The following RHPN2 variants were observed in gnomAD, a reference collection of about 807,000 sequenced individuals.
RHPN2 encodes rhophilin-2.
Under a neutral mutation model 79.0 loss-of-function variants are expected in RHPN2, and 40 were observed. The observed-to-expected ratio is 0.51, with a 90% CI of 0.39 to 0.66. The LOEUF (loss-of-function observed/expected upper bound fraction) is 0.66, where lower values mean the gene tolerates loss of function less well. Among genes scored for constraint, RHPN2 ranks in the 30% least tolerant of loss-of-function variants. RHPN2 has a pLI of 0.00. For missense variants in RHPN2, 686 were observed against 883.5 expected (o/e 0.78, Z 2.83); for synonymous variants, 285 against 363.5 (o/e 0.78, Z 2.46).
chr19:32,988,525 G>A (rs1361449867), intron 14 of RHPN2, among the ~76,000 whole-genome samples: 5 of 151,738 alleles, frequency 3.3e-5, no homozygotes, highest in African/African-American at 4.8e-5. Flanking sequence ...ACACCACGCC[G>A]TTCCCCTTCT....
At chr19:33,046,553 C>G (rs966219787) in intron 1 of RHPN2, among the ~76,000 whole-genome samples, 1 of 152,162 alleles carries the variant, frequency 6.6e-6, no homozygotes, top group African/African-American at 2.4e-5. Flanking sequence ...AGGCGTGAGC[C>G]ACTGAGCCCG....
intron 10 of RHPN2, among the ~76,000 whole-genome samples, chr19:32,999,154 G>C (rs1408216125): frequency 6.6e-6 from 1 of 152,064 alleles, no homozygotes; most frequent in Non-Finnish European, 1.5e-5. Context: ...CAGAGGGGCA[G>C]GTTAGGGTGG....
intron 9 of RHPN2, among the ~76,000 whole-genome samples, chr19:33,001,501 C>T (rs961459563): frequency 6.6e-6 from 1 of 152,046 alleles, no homozygotes; most frequent in African/African-American, 2.4e-5. Context: ...ATGATCATAC[C>T]ACTGCACTCC....
chr19:32,997,449 C>A (rs1032730829), intron 10 of RHPN2, among the ~76,000 whole-genome samples: 4 of 151,142 alleles, frequency 2.6e-5, no homozygotes, highest in African/African-American at 7.3e-5. Context: ...TAAGAGAAGA[C>A]TGGGAATGGG....
chr19:33,013,243 A>G (rs1471628664), intron 4 of RHPN2, among the ~76,000 whole-genome samples: 1 of 148,568 alleles, frequency 6.7e-6, no homozygotes, highest in South Asian at 2.2e-4. Flanking sequence ...TGCCCAGGCT[A>G]GAGTGCAATC....
At chr19:33,007,985 C>T (rs1385407319) in intron 7 of RHPN2, 29 bp downstream of exon 7, 1 of 1,611,288 alleles carries the variant, frequency 6.2e-7, no homozygotes, top group Admixed American at 1.7e-5. Context: ...GGCCAAGGCT[C>T]CGTCTGGTCA....
chr19:33,049,115 T>C (rs962374678), intron 1 of RHPN2, among the ~76,000 whole-genome samples: 1 of 152,128 alleles, frequency 6.6e-6, no homozygotes, highest in Non-Finnish European at 1.5e-5. Context: ...CGAAACCACA[T>C]TACTTATTCC....
chr19:33,064,772 G>T lies in RHPN2; in HGVS notation c.69+12C>A. 1 of 515,556 alleles carries T rather than the reference G, an allele frequency of 1.9e-6. No homozygotes were observed. 31.9% of individuals were successfully genotyped at this position (515,556 alleles called of 1,614,324 possible). On this transcript the variant is annotated intron_variant, in intron 1 of 14. Transcript: ENST00000254260. ...CCCGCAGGTCCCCGCCCGCCCGCCC[G>T]AAGCCGCCCACCTTCCGAAAGTAGC...
At chr19:33,024,160 G>A (rs368253940) in intron 3 of RHPN2, among the ~76,000 whole-genome samples, 3 of 152,158 alleles carry the variant, frequency 2.0e-5, no homozygotes, top group East Asian at 1.9e-4. Flanking sequence ...AGGAGGCCGG[G>A]TGTGGTGGCT....
intron 4 of RHPN2, 72 bp from the exon 5 acceptor site, chr19:33,012,796 C>A: frequency 1.2e-6 from 1 of 820,630 alleles, no homozygotes; most frequent in Non-Finnish European, 2.1e-6. Context: ...AGTAATATGT[C>A]AATTGTGAAC....
chr19:33,054,787 A>G (rs1236905851), intron 1 of RHPN2, among the ~76,000 whole-genome samples: 1 of 152,234 alleles, frequency 6.6e-6, no homozygotes, highest in East Asian at 1.9e-4. Flanking sequence ...TGATCAGGCT[A>G]AAGCCAACGC....
chr19:33,043,970 T>G (rs1423071709), intron 2 of RHPN2, among the ~76,000 whole-genome samples: 1 of 151,952 alleles, frequency 6.6e-6, no homozygotes, highest in Non-Finnish European at 1.5e-5. Context: ...AAAACAAACC[T>G]CGAGACAAAA....
At chr19:33,058,525 T>C (rs1972252739) in intron 1 of RHPN2, among the ~76,000 whole-genome samples, 2 of 152,344 alleles carry the variant, frequency 1.3e-5, no homozygotes, top group African/African-American at 2.4e-5. Flanking sequence ...CTCATGCCTG[T>C]AATCCCAGCA....
intron 2 of RHPN2, among the ~76,000 whole-genome samples, chr19:33,036,820 G>A (rs1972060421): frequency 6.6e-6 from 1 of 152,100 alleles, no homozygotes; most frequent in Admixed American, 6.5e-5. Context: ...CCTGGCCTTA[G>A]CTGCCTTCCC....
chr19:33,056,462 T>C (rs1972233938), intron 1 of RHPN2, among the ~76,000 whole-genome samples: 1 of 152,090 alleles, frequency 6.6e-6, no homozygotes, highest in Non-Finnish European at 1.5e-5. Flanking sequence ...TGAGTTTTAG[T>C]ACTGTGGGGT....
At position 32,991,944 on chromosome 19, in the gene RHPN2, T is replaced by G. The variant is rs1971663564; in HGVS notation, c.1523A>C (p.Asn508Thr). The G allele has an allele frequency of 6.2e-7, 1 of 1,613,830 alleles. No individual in the cohort carries two copies. The highest frequency in any genetic ancestry group is 1.3e-5 in the African/African-American group (1 of 74,916). ...GCTTCGAGGAGGCGTCCACCGCTTG[T>G]TAGCCGAAAACACAGATAAGGGGCC... ...KLGPLSVFSA[N>T]KRWTPPRSIR... Residue 508 changes from asparagine to threonine, a missense_variant, in exon 13 of 15, where the codon AAC (asparagine) becomes ACC (threonine). Coordinates refer to ENST00000254260, the MANE Select transcript of RHPN2 (RefSeq NM_033103.5).
chr19:33,032,493 C>T (rs1268492835), intron 2 of RHPN2, among the ~76,000 whole-genome samples: 1 of 152,124 alleles, frequency 6.6e-6, no homozygotes, highest in African/African-American at 2.4e-5. Flanking sequence ...CATTCTAAAG[C>T]CTCCCACCAA....
At chr19:33,056,609 A>G (rs1972234670) in intron 1 of RHPN2, among the ~76,000 whole-genome samples, 1 of 152,246 alleles carries the variant, frequency 6.6e-6, no homozygotes, top group South Asian at 2.1e-4. Flanking sequence ...AAATCTGGGG[A>G]AAAGAAGTTG....
chr19:33,008,253 T>C (rs918683025), intron 6 of RHPN2, 73 bp from the exon 7 acceptor site: 72 of 1,374,238 alleles, frequency 5.2e-5, no homozygotes, highest in Middle Eastern at 1.9e-4. Context: ...AAAAATTCTT[T>C]TTTTTTTTTT....
Sources: allele counts gnomAD v4.1 joint callset (sites outside exome capture counted in the v4.1 genomes callset), GRCh38; gene constraint gnomAD v4.1.1; transcripts MANE v1.5; gene names NCBI Gene and HGNC (gene_info 2026-07-23, HGNC 2026-07-21).